Variants in RPTOR observed in about 807,000 individuals in gnomAD.
RPTOR encodes regulatory-associated protein of mTOR.
A neutral mutation model predicts 169.9 loss-of-function variants in RPTOR; 21 were observed. The ratio of observed to expected loss-of-function variants is 0.12; its 90% CI spans 0.09 to 0.18. The LOEUF (loss-of-function observed/expected upper bound fraction) is 0.18. Among genes scored for constraint, RPTOR ranks in the 10% least tolerant of loss-of-function variants. The pLI, the probability that RPTOR is intolerant of heterozygous loss-of-function variation, is 1.00. For missense variants in RPTOR, 1,133 were observed against 1,855.9 expected, an observed-to-expected ratio of 0.61 and a Z score of 7.16; for synonymous variants, 732 against 753.2, an observed-to-expected ratio of 0.97 and a Z score of 0.46.
At chr17:80,644,027 T>C (rs941255763) in intron 3 of RPTOR, among the ~76,000 whole-genome samples, 29 of 152,270 alleles carry the variant, frequency 1.9e-4, no homozygotes, top group African/African-American at 6.8e-4. Flanking sequence ...GAGTCTTGCA[T>C]TGGACAGTCC....
intron 5 of RPTOR, among the ~76,000 whole-genome samples, chr17:80,744,861 ACT>A (rs2066551864): frequency 9.1e-6 from 1 of 109,312 alleles, no homozygotes; most frequent in African/African-American, 3.4e-5. Context: ...GGCTACTAGC[ACT>A]GTCCTGGTTA....
At chr17:80,671,392 T>C (rs547072609) in intron 3 of RPTOR, among the ~76,000 whole-genome samples, 2 of 152,314 alleles carry the variant, frequency 1.3e-5, no homozygotes, top group East Asian at 3.9e-4. Flanking sequence ...GGTTCTTCTT[T>C]CCTCTTGCCA....
chr17:80,902,015 A>G lies in RPTOR; in HGVS notation c.2402-6796A>G, dbSNP rs928944048. On this transcript the variant is annotated intron_variant, in intron 20 of 33. Transcript: ENST00000306801. ...TGTTTGTGAAACTAAATGGGAACCC[A>G]GGTCTCAGCACTGTGTCAGGTTCTA... Among the ~76,000 whole-genome samples the G allele has an allele frequency of 5.9e-5, 9 of 152,316 alleles. No homozygotes were observed. In the East Asian group the frequency reaches 1.7e-3, roughly 29 times the overall value.
chr17:80,792,900 C>T (rs1197073413), intron 7 of RPTOR, among the ~76,000 whole-genome samples: 3 of 152,232 alleles, frequency 2.0e-5, no homozygotes, highest in African/African-American at 4.8e-5. Context: ...CCCCTGCGCC[C>T]TCCCCACACA....
intron 13 of RPTOR, 94 bp downstream of exon 13, chr17:80,857,994 G>A (rs2067873487): frequency 1.0e-6 from 1 of 972,600 alleles, no homozygotes; most frequent in Admixed American, 1.9e-5. Flanking sequence ...CCTTTCTCCA[G>A]CCTCGCTCCC....
intron 1 of RPTOR, among the ~76,000 whole-genome samples, chr17:80,623,742 G>T (rs1275016621): frequency 6.6e-6 from 1 of 151,870 alleles, no homozygotes; most frequent in Non-Finnish European, 1.5e-5. Flanking sequence ...CACCATGTTG[G>T]CCAGGCTGAT....
Position 80,964,604 on chromosome 17 carries a change from C to G in RPTOR, c.*274C>G. Reference sequence around the variant, plus strand: ...ACCCCCGCGGCCACGGCGCCTCTGTCCCTCTCCTGTTCTGTGTTTCTCTGA... The same window carrying G: ...ACCCCCGCGGCCACGGCGCCTCTGTGCCTCTCCTGTTCTGTGTTTCTCTGA... On this transcript the variant is annotated 3_prime_UTR_variant, in exon 34 of 34. Transcript: ENST00000306801. 1 of 535,284 alleles carries G rather than the reference C, an allele frequency of 1.9e-6. No individual in the cohort carries two copies. The highest frequency in any genetic ancestry group is 3.1e-5 in the East Asian group (1 of 32,550). The allele number at this position is 535,284 out of a possible 1,614,324, so 33.2% of individuals were successfully genotyped here.
chr17:80,736,507 C>T (rs879281992), intron 5 of RPTOR, among the ~76,000 whole-genome samples: 35 of 152,162 alleles, frequency 2.3e-4, no homozygotes, highest in Non-Finnish European at 4.7e-4. Flanking sequence ...CACTGATCCC[C>T]GTAGCTAAAT....
intron 1 of RPTOR, among the ~76,000 whole-genome samples, chr17:80,566,559 G>A (rs1260291677): frequency 2.0e-5 from 3 of 151,960 alleles, no homozygotes; most frequent in Non-Finnish European, 4.4e-5. Flanking sequence ...GGTGGCTCAC[G>A]CCTGTAATCC....
Position 80,960,314 on chromosome 17 carries a change from A to G in RPTOR, c.3605+109A>G, listed in dbSNP as rs1165622181. On this transcript the variant is annotated intron_variant, in intron 30 of 33. Transcript: ENST00000306801. The surrounding 1 kb of genome is among the most constrained non-coding windows in gnomAD (Gnocchi z 4.8). Reference sequence around the variant, plus strand: ...GGTCCAGGTTTCTCAGTGAGATGCAAAGCTTCCCCAGGAGCCTGCAGTGGC... The same window carrying G: ...GGTCCAGGTTTCTCAGTGAGATGCAGAGCTTCCCCAGGAGCCTGCAGTGGC... 109 of 1,447,736 alleles carry G rather than the reference A, an allele frequency of 7.5e-5. No homozygotes were observed. The highest frequency in any genetic ancestry group is 1.5e-4 in the South Asian group (12 of 79,626). 89.7% of individuals were successfully genotyped at this position (1,447,736 alleles called of 1,614,324 possible). A position where few individuals can be genotyped will look rare whatever the true frequency, so the allele number is the denominator to read the frequency against.
At chr17:80,894,356 A>C (rs750013312) in intron 20 of RPTOR, among the ~76,000 whole-genome samples, 2 of 152,164 alleles carry the variant, frequency 1.3e-5, no homozygotes, top group Non-Finnish European at 2.9e-5. Flanking sequence ...TGAGAGGCGG[A>C]GGGCCCTGCG....
chr17:80,738,802 T>C (rs1265081184), intron 5 of RPTOR, among the ~76,000 whole-genome samples: 1 of 152,250 alleles, frequency 6.6e-6, no homozygotes, highest in East Asian at 1.9e-4. Context: ...TTGAATAAAC[T>C]ACCTTTAGTT....
intron 3 of RPTOR, among the ~76,000 whole-genome samples, chr17:80,704,079 G>C (rs530094451): frequency 5.9e-4 from 90 of 152,300 alleles, no homozygotes; most frequent in African/African-American, 2.0e-3. Context: ...CTGCTGCGCT[G>C]ATTTGAAGCC....
Position 80,947,355 on chromosome 17 carries a change from A to C in RPTOR, c.3265+4A>C. 1 of 1,557,858 alleles carries C rather than the reference A, an allele frequency of 6.4e-7. No individual in the cohort carries two copies. The highest frequency in any genetic ancestry group is 8.7e-7 in the Non-Finnish European group (1 of 1,154,236). ...TCGCTTCTGCTGACGGCCACAGGTG[A>C]GCGGGGTTTGCACAGCCAGGATTGG... On this transcript the variant is annotated splice_donor_region_variant and intron_variant, in intron 27 of 33. Coordinates refer to ENST00000306801, the MANE Select transcript of RPTOR (RefSeq NM_020761.3). The surrounding 1 kb of genome is among the most constrained non-coding windows in gnomAD (Gnocchi z 4.4).
intron 1 of RPTOR, among the ~76,000 whole-genome samples, chr17:80,559,021 CACCACCAGCA>C (rs2084445637): frequency 6.6e-6 from 1 of 152,144 alleles, no homozygotes; most frequent in African/African-American, 2.4e-5. Context: ...CACCAGCATC[CACCACCAGCA>C]GCCATCTCCA....
At chr17:80,776,654 T>C (rs2066894846) in intron 6 of RPTOR, among the ~76,000 whole-genome samples, 1 of 152,192 alleles carries the variant, frequency 6.6e-6, no homozygotes, top group South Asian at 2.1e-4. Flanking sequence ...AAGGTTGCTC[T>C]AATTACACGG....
At chr17:80,766,579 A>G (rs1371346370) in intron 6 of RPTOR, among the ~76,000 whole-genome samples, 5 of 152,168 alleles carry the variant, frequency 3.3e-5, no homozygotes, top group African/African-American at 1.2e-4. Flanking sequence ...TAAGTAACAT[A>G]CCTGTTTAGT....
chr17:80,858,139 G>T (rs1166101516), intron 13 of RPTOR: 1 of 542,460 alleles, frequency 1.8e-6, no homozygotes, highest in Non-Finnish European at 3.3e-6. Flanking sequence ...CCTGCGCTCA[G>T]TCCCCCCACA....
chr17:80,637,529 C>G (rs1199542354), intron 2 of RPTOR, among the ~76,000 whole-genome samples: 1 of 152,222 alleles, frequency 6.6e-6, no homozygotes, highest in Admixed American at 6.5e-5. Flanking sequence ...AGGGGAGAGG[C>G]TGTTTTGTTT....
Sources: allele counts gnomAD v4.1 joint callset (sites outside exome capture counted in the v4.1 genomes callset), GRCh38; gene constraint gnomAD v4.1.1; non-coding constraint Gnocchi (gnomAD v3.1); transcripts MANE v1.5; gene names NCBI Gene and HGNC (gene_info 2026-07-23, HGNC 2026-07-21).